Variants in SEMA3A observed in about 807,000 individuals in gnomAD.
SEMA3A encodes semaphorin-3A.
Under a neutral mutation model 97.9 loss-of-function variants are expected in SEMA3A, and 29 were observed. The ratio of observed to expected loss-of-function variants is 0.30; its 90% CI spans 0.22 to 0.40. SEMA3A has a LOEUF of 0.40. Among genes scored for constraint, SEMA3A ranks in the 10% least tolerant of loss-of-function variants. The pLI, the probability that SEMA3A is intolerant of heterozygous loss-of-function variation, is 1.00. For synonymous variants in SEMA3A, 321 were observed against 323.7 expected, an observed-to-expected ratio of 0.99 and a Z score of 0.09; for missense variants, 763 against 951.3, an observed-to-expected ratio of 0.80 and a Z score of 2.60.
chr7:84,357,459 A>C (rs1483703195), intron 2 of SEMA3A, among the ~76,000 whole-genome samples: 1 of 152,112 alleles, frequency 6.6e-6, no homozygotes, highest in African/African-American at 2.4e-5. Flanking sequence ...TACAAAGGAC[A>C]TGAACTCATC....
chr7:83,979,699 ATTTC>A (rs1789314600), intron 14 of SEMA3A, among the ~76,000 whole-genome samples: 1 of 152,214 alleles, frequency 6.6e-6, no homozygotes, highest in African/African-American at 2.4e-5. Flanking sequence ...TAATAATTGT[ATTTC>A]TTATATGATA....
chr7:84,367,790 G>GA (rs1802885982), intron 2 of SEMA3A, among the ~76,000 whole-genome samples: 1 of 150,918 alleles, frequency 6.6e-6, no homozygotes, highest in Admixed American at 6.6e-5. Flanking sequence ...ATGAAACTAT[G>GA]AAAAAAATCT....
chr7:84,268,690 T>C (rs532590584), intron 3 of SEMA3A, among the ~76,000 whole-genome samples: 20 of 152,230 alleles, frequency 1.3e-4, no homozygotes, highest in East Asian at 9.6e-4. Context: ...CCTCTCTAGA[T>C]AGAATGTCAG....
At chr7:84,246,871 T>C (rs1799487691) in intron 3 of SEMA3A, among the ~76,000 whole-genome samples, 1 of 152,062 alleles carries the variant, frequency 6.6e-6, no homozygotes. Context: ...ACAGAGCTAT[T>C]TATAGTAGAA....
At chr7:84,359,717 G>C (rs1011312048) in intron 2 of SEMA3A, among the ~76,000 whole-genome samples, 1 of 152,000 alleles carries the variant, frequency 6.6e-6, no homozygotes, top group East Asian at 1.9e-4. Flanking sequence ...GGAATGGGAG[G>C]AGCTCCTCCT....
At chr7:84,195,210 A>G (rs554576617), upstream of SEMA3A, 1 of 152,290 alleles carries the variant, frequency 6.6e-6, no homozygotes, top group African/African-American at 2.4e-5. Flanking sequence ...AACACATGCA[A>G]AAAACATCTC....
intron 6 of SEMA3A, among the ~76,000 whole-genome samples, chr7:84,024,990 G>A (rs1295631919): frequency 1.3e-5 from 2 of 152,098 alleles, no homozygotes; most frequent in African/African-American, 4.8e-5. Flanking sequence ...GGGAGGCTGA[G>A]GCAGGAGAAT....
intron 1 of SEMA3A, among the ~76,000 whole-genome samples, chr7:84,139,093 T>A (rs1796224893): frequency 6.6e-6 from 1 of 152,146 alleles, no homozygotes; most frequent in Non-Finnish European, 1.5e-5. Context: ...GTTATGTATC[T>A]TACAATGACA....
intron 4 of SEMA3A, among the ~76,000 whole-genome samples, chr7:84,094,550 A>G (rs369698601): frequency 6.6e-6 from 1 of 152,112 alleles, no homozygotes; most frequent in Non-Finnish European, 1.5e-5. Context: ...AGAATGTCAC[A>G]TATGTGCATG....
intron 4 of SEMA3A, among the ~76,000 whole-genome samples, chr7:84,065,754 G>C (rs1412839378): frequency 2.0e-5 from 3 of 152,004 alleles, no homozygotes; most frequent in African/African-American, 7.3e-5. Flanking sequence ...CCAATAACAG[G>C]GTCTGAAATT....
chr7:83,986,009 T>C (rs190984223), intron 12 of SEMA3A, among the ~76,000 whole-genome samples: 1 of 152,342 alleles, frequency 6.6e-6, no homozygotes. Flanking sequence ...TTTTTGTGGT[T>C]TGGACAATGT....
chr7:84,437,083 G>C (rs983891512), intron 1 of SEMA3A, among the ~76,000 whole-genome samples: 2 of 152,006 alleles, frequency 1.3e-5, no homozygotes, highest in Admixed American at 1.3e-4. Flanking sequence ...TATTTTTGAT[G>C]TATCATCCTT....
intron 1 of SEMA3A, among the ~76,000 whole-genome samples, chr7:84,404,227 A>G (rs1803996885): frequency 6.6e-6 from 1 of 152,232 alleles, no homozygotes; most frequent in Non-Finnish European, 1.5e-5. Flanking sequence ...AAACCACAGG[A>G]CGAGAACTAC....
chr7:84,311,549 A>G (rs1325571034), intron 2 of SEMA3A, among the ~76,000 whole-genome samples: 1 of 151,942 alleles, frequency 6.6e-6, no homozygotes, highest in East Asian at 1.9e-4. Context: ...TGAAGAGAAG[A>G]CTAAAGATGA....
chr7:84,050,194 T>C (rs1309444758), intron 5 of SEMA3A, among the ~76,000 whole-genome samples: 3 of 152,258 alleles, frequency 2.0e-5, no homozygotes, highest in Admixed American at 1.3e-4. Flanking sequence ...TGTGTCTTTA[T>C]AGCAGCATGA....
intron 1 of SEMA3A, among the ~76,000 whole-genome samples, chr7:84,396,781 T>C (rs1001844480): frequency 6.6e-6 from 1 of 151,998 alleles, no homozygotes; most frequent in Non-Finnish European, 1.5e-5. Flanking sequence ...ATAATATTTA[T>C]TTTACTTTCT....
intron 1 of SEMA3A, among the ~76,000 whole-genome samples, chr7:84,488,235 T>C (rs1211585595): frequency 6.6e-6 from 1 of 151,904 alleles, no homozygotes; most frequent in African/African-American, 2.4e-5. Flanking sequence ...TAGAGAGACA[T>C]ACCACATATG....
At chr7:84,483,987 C>T (rs1426709165) in intron 1 of SEMA3A, among the ~76,000 whole-genome samples, 10 of 150,914 alleles carry the variant, frequency 6.6e-5, no homozygotes, top group Admixed American at 5.3e-4. Context: ...GAGGTTGCAG[C>T]GAGCTGAGAT....
At chr7:84,103,677 T>C (rs1428627315) in intron 4 of SEMA3A, among the ~76,000 whole-genome samples, 3 of 152,042 alleles carry the variant, frequency 2.0e-5, no homozygotes, top group Non-Finnish European at 4.4e-5. Flanking sequence ...GTGTTTCCAC[T>C]CTTAAACTTT....
Sources: allele counts gnomAD v4.1 joint callset (sites outside exome capture counted in the v4.1 genomes callset), GRCh38; gene constraint gnomAD v4.1.1; transcripts MANE v1.5; gene names NCBI Gene and HGNC (gene_info 2026-07-23, HGNC 2026-07-21).